The following APCDD1L variants were observed in gnomAD, a reference collection of about 807,000 sequenced individuals.
The protein encoded by APCDD1L is protein APCDD1-like.
In APCDD1L, 21 loss-of-function variants were observed where a neutral mutation model predicts 24.2. The ratio of observed to expected loss-of-function variants is 0.87; its 90% confidence interval spans 0.61 to 1.25. The LOEUF is 1.25. Among genes scored for constraint, APCDD1L ranks in the 50% most tolerant of loss-of-function variants. The pLI, the probability that APCDD1L is intolerant of heterozygous loss-of-function variation, is 0.00. For missense variants in APCDD1L, 704 were observed against 711.7 expected (o/e 0.99, Z 0.12); for synonymous variants, 321 against 323.6 (o/e 0.99, Z 0.09).
chr20:58,508,765 G>A lies in APCDD1L; in HGVS notation c.49+5894C>T, dbSNP rs185465780. ...CGGGAAAGAACTGTCGATAAAACAG[G>A]CCAGGCCTTCTTCTTGTGCAGCCTA... On this transcript the variant is annotated intron_variant, in intron 1 of 3. Coordinates refer to ENST00000371149, the MANE Select transcript of APCDD1L (RefSeq NM_153360.3). This position sits in a 1 kb window ranked among gnomAD's most constrained non-coding sequence, Gnocchi z 4.0. Among the ~76,000 whole-genome samples the A allele has an allele frequency of 9.8e-5, 15 of 152,334 alleles. No homozygotes were observed. The highest frequency in any genetic ancestry group is 9.8e-4 in the Admixed American group (15 of 15,308).
In APCDD1L at chr20:58,497,645, G is replaced by C. The variant is rs1416502864; in HGVS notation, c.49+17014C>G. Among the ~76,000 whole-genome samples the C allele has an allele frequency of 6.6e-6, 1 of 152,068 alleles. No homozygotes were observed. The highest frequency in any genetic ancestry group is 6.6e-5 in the Admixed American group (1 of 15,264). On this transcript the variant is annotated intron_variant, in intron 1 of 3. Coordinates refer to ENST00000371149, the MANE Select transcript of APCDD1L (RefSeq NM_153360.3). This position sits in a 1 kb window ranked among gnomAD's most constrained non-coding sequence, Gnocchi z 4.3. The stretch of plus-strand genomic sequence containing the variant: ...GAGGATACTAGTCATGCTGGATGAG[G>C]GCCCACCTGAATGGCCTCATTTTAA...
rs770148844 is a variant in APCDD1L, at chr20:58,461,093, C to T, written c.1203G>A (p.Pro401=). ...RDVTATNGCL[P]LGIRLPHVEY... ...CCACATGCGGGAGCCGGATGCCCAG[C>T]GGTAGGCAGCCGTTGGTGGCTGTGA... is the stretch of plus-strand genomic sequence containing the variant. The change falls in exon 4 of 4, where the codon CCG becomes CCA. Residue 401 remains proline, a synonymous_variant. Coordinates refer to ENST00000371149, the MANE Select transcript of APCDD1L (RefSeq NM_153360.3). This position sits in a 1 kb window ranked among gnomAD's most constrained non-coding sequence, Gnocchi z 6.0. 102 of 1,613,912 alleles carry T rather than the reference C, an allele frequency of 6.3e-5. No homozygotes were observed. The highest frequency in any genetic ancestry group is 1.6e-4 in the Middle Eastern group (1 of 6,082).
rs778799588 is a variant in APCDD1L, at chr20:58,467,519, C to A, written c.328G>T (p.Val110Phe). The A allele has an allele frequency of 4.1e-5, 66 of 1,597,576 alleles. 2 individuals are homozygous for A. The South Asian group carries it at 6.9e-4, about 17-fold the overall frequency. The change falls in exon 3 of 4, where the codon GTC becomes TTC. Residue 110 changes from valine to phenylalanine, a missense_variant. Coordinates refer to ENST00000371149, the MANE Select transcript of APCDD1L (RefSeq NM_153360.3). The surrounding 1 kb of genome is among the most constrained non-coding windows in gnomAD (Gnocchi z 5.9). ...ACCCAGGAGGCCCGGCGCAGGCGGA[C>A]TTTGCCCTTGACGAGCAGCGAGTGG... ...PAHSLLVKGK[V>F]RLRRASWVTR...
Position 58,486,854 on chromosome 20 carries a change from G to GTTTTTTTTTTTTT in APCDD1L, c.50-16120_50-16108dup, listed in dbSNP as rs747539318. ...AGAAGGAAAATTTACTGGAGGGAAG[G>GTTTTTTTTTTTTT]TTTTTTTTTTTTTTTTTTTTTTTTT... On this transcript the variant is annotated intron_variant, in intron 1 of 3. Transcript: ENST00000371149. Among the ~76,000 whole-genome samples the GTTTTTTTTTTTTT allele has an allele frequency of 6.2e-4, 50 of 80,436 alleles. 4 individuals are homozygous for GTTTTTTTTTTTTT. The highest frequency in any genetic ancestry group is 2.2e-3 in the East Asian group (5 of 2,236). The allele number at this position is 80,436 out of a possible 152,430, so 52.8% of individuals were successfully genotyped here.
chr20:58,481,622 G>C (rs1395378159), intron 1 of APCDD1L, among the ~76,000 whole-genome samples: 1 of 152,196 alleles, frequency 6.6e-6, no homozygotes, highest in Non-Finnish European at 1.5e-5. Context: ...GAACCCCAGC[G>C]TCGGGGGAGG....
intron 1 of APCDD1L, among the ~76,000 whole-genome samples, chr20:58,485,634 G>A (rs1031048552): frequency 3.9e-5 from 6 of 152,128 alleles, no homozygotes; most frequent in Non-Finnish European, 4.4e-5. Flanking sequence ...GGGGCCTCTC[G>A]CTGTTTCCCT....
chr20:58,461,326 G>C lies in APCDD1L; in HGVS notation c.970C>G (p.Arg324Gly), dbSNP rs770561580. 3 of 1,602,492 alleles carry C rather than the reference G, an allele frequency of 1.9e-6. No individual in the cohort carries two copies. The highest frequency in any genetic ancestry group is 3.4e-5 in the Admixed American group (2 of 59,568). ...GCATACACGGTGAAGGTGGGCTGCC[G>C]GCAGGCTGGGTCTGAGAAGTGGTGG... ...YYHHFSDPAC[R>G]QPTFTVYAAG... Residue 324 changes from arginine (R) to glycine (G), a missense_variant, in exon 4 of 4, where the codon CGG becomes GGG. Arg to Gly is a moderately radical substitution (Grantham distance 125, BLOSUM62 -2). Transcript: ENST00000371149. The surrounding 1 kb of genome is among the most constrained non-coding windows in gnomAD (Gnocchi z 6.0).
chr20:58,464,133 G>A (rs1006973069), intron 3 of APCDD1L, among the ~76,000 whole-genome samples: 8 of 152,132 alleles, frequency 5.3e-5, no homozygotes, highest in Admixed American at 2.6e-4. Flanking sequence ...GCTGATAAGA[G>A]TCGACTCTAA....
chr20:58,460,774 G>T lies in APCDD1L; in HGVS notation c.*16C>A, dbSNP rs1989580005. Reference sequence around the variant, plus strand: ...AATGGGTGTCCAGAGCCGCCATCCTGATGTCAAGTCCAATGTCATAGCCAG... The same window carrying T: ...AATGGGTGTCCAGAGCCGCCATCCTTATGTCAAGTCCAATGTCATAGCCAG... On this transcript the variant is annotated 3_prime_UTR_variant, in exon 4 of 4. Transcript: ENST00000371149. The surrounding 1 kb of genome is among the most constrained non-coding windows in gnomAD (Gnocchi z 4.2). 1 of 1,512,222 alleles carries T rather than the reference G, an allele frequency of 6.6e-7. No homozygotes were observed. Among genetic ancestry groups the T allele is most frequent in the African/African-American group, 1.4e-5 (1 of 71,560 alleles). The allele number at this position is 1,512,222 out of a possible 1,614,324, so 93.7% of individuals were successfully genotyped here. A position where few individuals can be genotyped will look rare whatever the true frequency, so the allele number is the denominator to read the frequency against.
chr20:58,475,855 C>T (rs1424290245), intron 1 of APCDD1L, among the ~76,000 whole-genome samples: 1 of 152,198 alleles, frequency 6.6e-6, no homozygotes, highest in African/African-American at 2.4e-5. Context: ...CCCATCTTCC[C>T]ATGGCCTTCA....
In APCDD1L at chr20:58,494,419, A is replaced by G. The variant is rs1190622846; in HGVS notation, c.49+20240T>C. 1.3e-5 allele frequency among the ~76,000 whole-genome samples: 2 copies of G among 151,912 alleles called. No individual in the cohort carries two copies. The highest frequency in any genetic ancestry group is 2.4e-5 in the African/African-American group (1 of 41,344). Reference sequence around the variant, plus strand: ...ATGGGATCGGCTCACTGCAGCCTCAAACTCCCCGGCTCAAGCCATCCTCTG... The same window carrying G: ...ATGGGATCGGCTCACTGCAGCCTCAGACTCCCCGGCTCAAGCCATCCTCTG... On this transcript the variant is annotated intron_variant, in intron 1 of 3. Transcript: ENST00000371149. The surrounding 1 kb of genome is among the most constrained non-coding windows in gnomAD (Gnocchi z 4.8).
intron 1 of APCDD1L, among the ~76,000 whole-genome samples, chr20:58,490,848 G>C (rs780812841): frequency 6.6e-6 from 1 of 152,208 alleles, no homozygotes; most frequent in Non-Finnish European, 1.5e-5. Flanking sequence ...TATGAGAGAG[G>C]AAAGTTATAG....
At chr20:58,514,592 A>C (rs1338085734) in intron 1 of APCDD1L, 67 bp downstream of exon 1, 3 of 1,274,740 alleles carry the variant, frequency 2.4e-6, no homozygotes, top group Non-Finnish European at 3.0e-6. Context: ...CTTAGGGGAC[A>C]TTAGACGGCG....
intron 1 of APCDD1L, among the ~76,000 whole-genome samples, chr20:58,495,772 C>A (rs1402171854): frequency 6.6e-6 from 1 of 152,194 alleles, no homozygotes; most frequent in Non-Finnish European, 1.5e-5. Context: ...CCTCCTGTAG[C>A]AACACAGAAC....
chr20:58,503,090 T>C (rs1350334008), intron 1 of APCDD1L, among the ~76,000 whole-genome samples: 1 of 152,208 alleles, frequency 6.6e-6, no homozygotes, highest in African/African-American at 2.4e-5. Flanking sequence ...TAAGGCAGCA[T>C]TTACAGTCCC....
At chr20:58,484,883 CAGAATCA>C (rs1310786359) in intron 1 of APCDD1L, among the ~76,000 whole-genome samples, 6 of 151,768 alleles carry the variant, frequency 4.0e-5, no homozygotes, top group Non-Finnish European at 8.8e-5. Context: ...TTCCTTCAAA[CAGAATCA>C]CTTTAACAGT....
intron 1 of APCDD1L, among the ~76,000 whole-genome samples, chr20:58,513,493 GTTC>G (rs1990673053): frequency 1.3e-5 from 2 of 152,200 alleles, no homozygotes; most frequent in Non-Finnish European, 2.9e-5. Context: ...ACCCCTGCCA[GTTC>G]TTCTCAAAAC....
At chr20:58,464,411 C>A (rs1989670959) in intron 3 of APCDD1L, among the ~76,000 whole-genome samples, 1 of 152,182 alleles carries the variant, frequency 6.6e-6, no homozygotes, top group African/African-American at 2.4e-5. Context: ...GCTTTTGAAG[C>A]TGGTGAAACA....
chr20:58,467,320 A>T lies in APCDD1L; in HGVS notation c.527T>A (p.Leu176Gln), dbSNP rs1443975658. Reference protein sequence around the residue: ...RAWLPGALYELRSARAQGDCL... With the variant: ...RAWLPGALYEQRSARAQGDCL... ...GTCCCCCTGAGCCCGGGCGCTCCGCAGCTCGTACAGCGCCCCAGGCAGCCA... is the reference window on the plus strand; with the variant it reads ...GTCCCCCTGAGCCCGGGCGCTCCGCTGCTCGTACAGCGCCCCAGGCAGCCA... Residue 176 changes from leucine to glutamine, a missense_variant, in exon 3 of 4, where the codon CTG (leucine) becomes CAG (glutamine). Leu to Gln is a moderately radical substitution (Grantham distance 113, BLOSUM62 -2). Transcript: ENST00000371149. The surrounding 1 kb of genome is among the most constrained non-coding windows in gnomAD (Gnocchi z 5.9). The T allele has an allele frequency of 6.6e-7, 1 of 1,514,938 alleles. No homozygotes were observed. Among genetic ancestry groups the T allele is most frequent in the Admixed American group, 2.1e-5 (1 of 48,636 alleles). 93.8% of individuals were successfully genotyped at this position (1,514,938 alleles called of 1,614,324 possible). A position where few individuals can be genotyped will look rare whatever the true frequency, so the allele number is the denominator to read the frequency against.
Sources: allele counts gnomAD v4.1 joint callset (sites outside exome capture counted in the v4.1 genomes callset), GRCh38; gene constraint gnomAD v4.1.1; non-coding constraint Gnocchi (gnomAD v3.1); transcripts MANE v1.5; gene names NCBI Gene and HGNC (gene_info 2026-07-23, HGNC 2026-07-21).